Variants in ADARB1 observed in about 807,000 individuals in gnomAD.
ADARB1 encodes the protein double-stranded RNA-specific editase 1.
In ADARB1, 10 loss-of-function variants were observed where a neutral mutation model predicts 52.4. That is an observed-to-expected ratio of 0.19 (90% CI 0.12 to 0.32). ADARB1 has a LOEUF of 0.32. ADARB1 is among the 10% of genes least tolerant of loss of function. The pLI, the probability that ADARB1 is intolerant of heterozygous loss-of-function variation, is 1.00. For synonymous variants in ADARB1, 349 were observed against 371.1 expected (o/e 0.94, Z 0.68); for missense variants, 643 against 922.3 (o/e 0.70, Z 3.92).
At chr21:45,179,909 C>T (rs765852847) in intron 4 of ADARB1, among the ~76,000 whole-genome samples, 2 of 151,930 alleles carry the variant, frequency 1.3e-5, no homozygotes, top group Non-Finnish European at 2.9e-5. Context: ...TGAGCCACAC[C>T]GTGTGTGCAT....
chr21:45,143,766 A>C (rs2089861537), intron 2 of ADARB1, among the ~76,000 whole-genome samples: 1 of 152,110 alleles, frequency 6.6e-6, no homozygotes, highest in African/African-American at 2.4e-5. Flanking sequence ...CCCAGAAGAG[A>C]ACACTCTTCC....
chr21:45,100,616 T>C (rs1013626156), intron 1 of ADARB1: 1 of 152,278 alleles, frequency 6.6e-6, no homozygotes, highest in African/African-American at 2.4e-5. Context: ...GGCATCTCCA[T>C]TGAGGCTCTT....
At chr21:45,146,962 C>A (rs181806366) in intron 2 of ADARB1, among the ~76,000 whole-genome samples, 57 of 152,334 alleles carry the variant, frequency 3.7e-4, no homozygotes, top group African/African-American at 1.3e-3. Context: ...TAGGAGACCC[C>A]TGGGGCCTCG....
At chr21:45,108,278 G>A (rs543055852) in intron 1 of ADARB1, among the ~76,000 whole-genome samples, 4 of 152,310 alleles carry the variant, frequency 2.6e-5, no homozygotes, top group African/African-American at 9.6e-5. Context: ...ACTTTACCAA[G>A]ATACCATTTC....
At chr21:45,168,300 A>T (rs2091335611) in intron 2 of ADARB1, among the ~76,000 whole-genome samples, 1 of 151,978 alleles carries the variant, frequency 6.6e-6, no homozygotes, top group African/African-American at 2.4e-5. Context: ...TTTAACAGGG[A>T]CGTTTGCAGA....
chr21:45,131,749 G>A (rs767015828), intron 2 of ADARB1, among the ~76,000 whole-genome samples: 63 of 152,374 alleles, frequency 4.1e-4, no homozygotes, highest in African/African-American at 1.4e-3. Context: ...AGGCAGCTGC[G>A]TCTTTAGGGG....
intron 1 of ADARB1, among the ~76,000 whole-genome samples, chr21:45,125,965 C>G (rs986596589): frequency 7.9e-5 from 12 of 152,122 alleles, no homozygotes; most frequent in Admixed American, 1.3e-4. Flanking sequence ...TATAAAGGTC[C>G]CTCTGATGTA....
At chr21:45,083,873 G>A (rs2086241394) in intron 1 of ADARB1, among the ~76,000 whole-genome samples, 2 of 152,116 alleles carry the variant, frequency 1.3e-5, no homozygotes, top group African/African-American at 2.4e-5. Flanking sequence ...GCTAATTTTT[G>A]TATTTTTTGT....
intron 1 of ADARB1, among the ~76,000 whole-genome samples, chr21:45,122,887 C>G (rs952112961): frequency 7.2e-5 from 11 of 152,204 alleles, no homozygotes; most frequent in African/African-American, 2.2e-4. Context: ...TTCGCATAAT[C>G]TCATAGCTCT....
In ADARB1 at chr21:45,084,454, TGA is replaced by T. The variant is rs555806353; in HGVS notation, c.-220+9667_-220+9668del. Among the ~76,000 whole-genome samples, 475 of 152,230 alleles carry T rather than the reference TGA, an allele frequency of 3.1e-3. 4 individuals are homozygous for T. Among genetic ancestry groups the T allele is most frequent in the Middle Eastern group, 0.014 (4 of 294 alleles). ...GTTAAGCGGGCTTAGGAGGCAGGATTGAGAGAGGTGGAATGATGGATTCAGAG... is the reference window on the plus strand; with the variant it reads ...GTTAAGCGGGCTTAGGAGGCAGGATTGAGAGGTGGAATGATGGATTCAGAG... On this transcript the variant is annotated intron_variant, in intron 1 of 10. Transcript: ENST00000348831.
intron 1 of ADARB1, among the ~76,000 whole-genome samples, chr21:45,090,142 A>G (rs1164454010): frequency 6.6e-6 from 1 of 152,092 alleles, no homozygotes; most frequent in Non-Finnish European, 1.5e-5. Flanking sequence ...TGGCAGTAGA[A>G]TTTTACCATA....
At chr21:45,136,431 T>C (rs1377033447) in intron 2 of ADARB1, among the ~76,000 whole-genome samples, 2 of 152,148 alleles carry the variant, frequency 1.3e-5, no homozygotes, top group Admixed American at 1.3e-4. Flanking sequence ...TAACGTCAAG[T>C]GGTGCAGACA....
At chr21:45,137,065 G>A (rs2089428222) in intron 2 of ADARB1, 1 of 152,182 alleles carries the variant, frequency 6.6e-6, no homozygotes. Context: ...CTTAGAAATT[G>A]GTAATTTTCT....
At chr21:45,122,881 C>T (rs938543024) in intron 1 of ADARB1, among the ~76,000 whole-genome samples, 2 of 152,200 alleles carry the variant, frequency 1.3e-5, no homozygotes, top group African/African-American at 2.4e-5. Flanking sequence ...TGCCTTTTCG[C>T]ATAATCTCAT....
At chr21:45,080,592 C>T (rs984193758) in intron 1 of ADARB1, among the ~76,000 whole-genome samples, 145 of 152,366 alleles carry the variant, frequency 9.5e-4, no homozygotes, top group African/African-American at 3.4e-3. Flanking sequence ...GATCCAGCTT[C>T]TTACCAGCTT....
intron 1 of ADARB1, among the ~76,000 whole-genome samples, chr21:45,113,942 T>C (rs757908987): frequency 1.3e-5 from 2 of 152,206 alleles, no homozygotes; most frequent in Non-Finnish European, 2.9e-5. Context: ...ATAATTCAGT[T>C]AGTTAAAAAT....
At chr21:45,119,136 G>A (rs1424119832) in intron 1 of ADARB1, among the ~76,000 whole-genome samples, 3 of 152,174 alleles carry the variant, frequency 2.0e-5, no homozygotes, top group Admixed American at 2.0e-4. Flanking sequence ...GTCACCCAGG[G>A]TGAAGTGCAG....
At chr21:45,219,838 C>T (rs1332221905) in intron 9 of ADARB1, among the ~76,000 whole-genome samples, 1 of 152,184 alleles carries the variant, frequency 6.6e-6, no homozygotes, top group African/African-American at 2.4e-5. Context: ...TTTCTTGAAA[C>T]ACTGTCATCA....
intron 2 of ADARB1, among the ~76,000 whole-genome samples, chr21:45,165,147 G>A (rs1471910609): frequency 6.6e-6 from 1 of 152,162 alleles, no homozygotes; most frequent in Non-Finnish European, 1.5e-5. Flanking sequence ...CGACTGGCAT[G>A]TGGTTCTCCC....
Sources: gnomAD v4.1 joint callset for allele counts (sites outside exome capture counted in the v4.1 genomes callset) on GRCh38, gnomAD v4.1.1 for gene constraint, MANE v1.5 for transcripts, NCBI Gene and HGNC (gene_info 2026-07-23, HGNC 2026-07-21) for gene names.